Variants in WNT8A observed in about 807,000 individuals in gnomAD.
WNT8A encodes the protein protein Wnt-8a.
A neutral mutation model predicts 20.5 loss-of-function variants in WNT8A; 14 were observed. The observed-to-expected ratio is 0.68, with a 90% CI of 0.45 to 1.07. WNT8A has a LOEUF of 1.07. Ranked by LOEUF, WNT8A falls within the 50% of genes least tolerant of loss-of-function variation. The probability of loss-of-function intolerance (pLI) is 0.00; values close to 1 mark genes in which losing one functional copy is unlikely to be tolerated. For synonymous variants in WNT8A, 167 were observed against 169.2 expected, an observed-to-expected ratio of 0.99 and a Z score of 0.10; for missense variants, 397 against 462.9, an observed-to-expected ratio of 0.86 and a Z score of 1.31.
At chr5:138,081,042 C>G (rs754992965), upstream of WNT8A, among the ~76,000 whole-genome samples, 17 of 151,934 alleles carry the variant, frequency 1.1e-4, no homozygotes, top group Non-Finnish European at 4.4e-5. Context: ...GAGATCGAGA[C>G]CATCCTGGCG....
chr5:138,081,411 A>G (rs1036054943), upstream of WNT8A, among the ~76,000 whole-genome samples: 1 of 152,104 alleles, frequency 6.6e-6, no homozygotes, highest in Admixed American at 6.6e-5. Flanking sequence ...AGTCACTCAC[A>G]CACAGGAAGT....
chr5:138,077,869 T>C, the WNT8A span, among the ~76,000 whole-genome samples: 21 of 152,146 alleles, frequency 1.4e-4, no homozygotes. Context: ...AGCTCCCAGA[T>C]TGATGAAAGA....
chr5:138,091,193 T>A lies in WNT8A; in HGVS notation c.*120T>A, dbSNP rs1447670618. The A allele has an allele frequency of 9.1e-6, 14 of 1,540,578 alleles. No individual in the cohort carries two copies. The highest frequency in any genetic ancestry group is 1.4e-5 in the African/African-American group (1 of 73,116). ...TTGCAGTTTTGGTCTGTAGTCCTCA[T>A]GATATCTGCTATCAGTGGGGAAAAT... On this transcript the variant is annotated 3_prime_UTR_variant, in exon 5 of 5. Coordinates refer to ENST00000506684, the MANE Select transcript of WNT8A (RefSeq NM_001300939.2).
chr5:138,083,375 A>C (rs999163197), upstream of WNT8A, among the ~76,000 whole-genome samples: 3 of 152,196 alleles, frequency 2.0e-5, no homozygotes, highest in African/African-American at 7.2e-5. Flanking sequence ...AAAATCAACT[A>C]ACTGGAGTTG....
rs1250390307 is a variant in WNT8A, at chr5:138,087,925, A to G, written c.415A>G (p.Lys139Glu). 2.5e-6 allele frequency: 4 copies of G among 1,613,764 alleles called. No individual in the cohort carries two copies. The South Asian group carries it at 4.4e-5, about 18-fold the overall frequency. ...TGGCTGTGATGGGTCAAACAATGGA[A>G]AAACAGGTAAGTTGAGCTTTCTAAT... ...NCGCDGSNNG[K>E]TGGHGWIWGG... Residue 139 changes from lysine (K) to glutamate (E), a missense_variant, in exon 3 of 5, where the codon AAA becomes GAA. Physicochemically the swap from Lys to Glu is moderately conservative, Grantham distance 56. Transcript: ENST00000506684.
Position 138,090,684 on chromosome 5 carries a change from C to A in WNT8A, c.721C>A (p.Arg241=). 6.2e-7 allele frequency: 1 copy of A among 1,614,212 alleles called. No homozygotes were observed. The highest frequency in any genetic ancestry group is 8.5e-7 in the Non-Finnish European group (1 of 1,180,042). Residue 241 remains arginine, a synonymous_variant, in exon 5 of 5, where the codon CGG becomes AGG. Transcript: ENST00000506684. ...DQALKIEMDK[R]QLRAGNSAEG... ...GGCGCTGAAAATTGAAATGGATAAG[C>A]GGCAGCTGAGAGCTGGGAACAGCGC...
downstream of WNT8A, chr5:138,091,643 T>A: frequency 1.8e-6 from 1 of 569,890 alleles, no homozygotes; most frequent in African/African-American, 2.0e-5. Flanking sequence ...CTGGACAACA[T>A]AGAAAGACAC....
chr5:138,090,717 C>A lies in WNT8A; in HGVS notation c.754C>A (p.His252Asn), dbSNP rs753010596. 1.9e-6 allele frequency: 3 copies of A among 1,614,238 alleles called. No homozygotes were observed. The Admixed American group carries it at 5.0e-5, about 27-fold the overall frequency. The change falls in exon 5 of 5, where the codon CAC (histidine) becomes AAC (asparagine). Residue 252 changes from histidine to asparagine, a missense_variant. By Grantham distance (68) the His-to-Asn change is moderately conservative (BLOSUM62 1). Transcript: ENST00000506684. ...GAGAGCTGGGAACAGCGCCGAGGGCCACTGGGTGCCCGCTGAGGCCTTCCT... is the reference window on the plus strand; with the variant it reads ...GAGAGCTGGGAACAGCGCCGAGGGCAACTGGGTGCCCGCTGAGGCCTTCCT... ...QLRAGNSAEG[H>N]WVPAEAFLPS...
chr5:138,081,287 A>T (rs369384055), upstream of WNT8A, among the ~76,000 whole-genome samples: 31 of 152,012 alleles, frequency 2.0e-4, 1 homozygote, highest in Middle Eastern at 0.014. Flanking sequence ...GAGCGAGCAC[A>T]GTTTGCATAC....
intron 3 of WNT8A, among the ~76,000 whole-genome samples, chr5:138,088,602 T>C (rs1166413960): frequency 1.3e-5 from 2 of 152,102 alleles, no homozygotes; most frequent in African/African-American, 4.8e-5. Flanking sequence ...GTGATCCGCC[T>C]GCCTTGGCCT....
At chr5:138,086,310 C>T (rs983438693) in intron 2 of WNT8A, among the ~76,000 whole-genome samples, 1 of 152,038 alleles carries the variant, frequency 6.6e-6, no homozygotes, top group African/African-American at 2.4e-5. Flanking sequence ...CTCTGCCTCC[C>T]AGGCTCAGGC....
chr5:138,078,382 A>C, the WNT8A span, among the ~76,000 whole-genome samples: 1 of 151,692 alleles, frequency 6.6e-6, no homozygotes, highest in East Asian at 1.9e-4. Context: ...TTCTCCAGTC[A>C]CCTCCACCCC....
At chr5:138,077,369 A>G in the WNT8A span, among the ~76,000 whole-genome samples, 2 of 152,104 alleles carry the variant, frequency 1.3e-5, no homozygotes, top group African/African-American at 2.4e-5. Context: ...AACGTTCCTT[A>G]TTTCACTGTA....
At chr5:138,082,209 C>T (rs1750526726), upstream of WNT8A, among the ~76,000 whole-genome samples, 1 of 152,228 alleles carries the variant, frequency 6.6e-6, no homozygotes, top group South Asian at 2.1e-4. Context: ...CCTAATGGTG[C>T]CCACTAGGGG....
upstream of WNT8A, among the ~76,000 whole-genome samples, chr5:138,081,626 TAACTC>T (rs1750514652): frequency 6.6e-6 from 1 of 151,962 alleles, no homozygotes; most frequent in Non-Finnish European, 1.5e-5. Flanking sequence ...TTTTCTCGCT[TAACTC>T]AAGTCTGGGA....
At chr5:138,085,871 A>T (rs939847258) in intron 2 of WNT8A, among the ~76,000 whole-genome samples, 1 of 151,712 alleles carries the variant, frequency 6.6e-6, no homozygotes, top group Non-Finnish European at 1.5e-5. Context: ...AAAAAAAAAA[A>T]AAAAGATGAG....
Position 138,087,937 on chromosome 5 carries a change from T to C in WNT8A, c.421+6T>C, listed in dbSNP as rs767295152. On this transcript the variant is annotated splice_donor_region_variant and intron_variant, in intron 3 of 4. Transcript: ENST00000506684. Reference sequence around the variant, plus strand: ...GTCAAACAATGGAAAAACAGGTAAGTTGAGCTTTCTAATGGGGGTGGGAAG... The same window carrying C: ...GTCAAACAATGGAAAAACAGGTAAGCTGAGCTTTCTAATGGGGGTGGGAAG... 63 of 1,613,214 alleles carry C rather than the reference T, an allele frequency of 3.9e-5. No individual in the cohort carries two copies. The highest frequency in any genetic ancestry group is 3.8e-5 in the Non-Finnish European group (45 of 1,179,572).
chr5:138,080,441 C>CTCGTTTTT (rs1750472800), upstream of WNT8A, among the ~76,000 whole-genome samples: 1 of 56,370 alleles, frequency 1.8e-5, no homozygotes, highest in African/African-American at 6.5e-5. Context: ...CTCTGTAAAT[C>CTCGTTTTT]TTGTTTTTTT....
chr5:138,084,332 G>T, intron 1 of WNT8A, 49 bp downstream of exon 1: 1 of 1,603,422 alleles, frequency 6.2e-7, no homozygotes, highest in Admixed American at 1.7e-5. Flanking sequence ...GCCCTAAGGG[G>T]ACTCTTCTGG....
Sources: gnomAD v4.1 joint callset for allele counts (sites outside exome capture counted in the v4.1 genomes callset) on GRCh38, gnomAD v4.1.1 for gene constraint, MANE v1.5 for transcripts, NCBI Gene and HGNC (gene_info 2026-07-23, HGNC 2026-07-21) for gene names.